The following IMMP1L variants were observed in gnomAD, a reference collection of about 807,000 sequenced individuals.
IMMP1L encodes inner mitochondrial membrane peptidase subunit 1, also known as mitochondrial inner membrane protease subunit 1.
In IMMP1L, 24 loss-of-function variants were observed where a neutral mutation model predicts 21.8. That is an observed-to-expected ratio of 1.10 (90% CI 0.80 to 1.55). The LOEUF is 1.55. Ranked by LOEUF, IMMP1L falls within the 40% of genes most tolerant of loss-of-function variation. The pLI, the probability that IMMP1L is intolerant of heterozygous loss-of-function variation, is 0.00. For missense variants in IMMP1L, 195 were observed against 200.7 expected (o/e 0.97, Z 0.17); for synonymous variants, 46 against 62.8 (o/e 0.73, Z 1.26).
At chr11:31,463,027 A>G (rs565896432) in intron 2 of IMMP1L, 145 bp downstream of exon 2, 1 of 625,430 alleles carries the variant, frequency 1.6e-6, no homozygotes, top group East Asian at 2.9e-5. Flanking sequence ...TATTATTCCA[A>G]TATTTAGAAA....
At chr11:31,508,446 C>T (rs918824191) in intron 1 of IMMP1L, among the ~76,000 whole-genome samples, 3 of 152,164 alleles carry the variant, frequency 2.0e-5, no homozygotes, top group African/African-American at 7.2e-5. Flanking sequence ...ATGAAAGCAA[C>T]CTTGATCAAA....
At chr11:31,439,505 C>G (rs1312123941) in intron 4 of IMMP1L, among the ~76,000 whole-genome samples, 2 of 152,120 alleles carry the variant, frequency 1.3e-5, no homozygotes, top group East Asian at 1.9e-4. Context: ...GAGTGCTTCT[C>G]TGCTAATTCC....
At chr11:31,501,233 A>G (rs1300454400) in intron 1 of IMMP1L, among the ~76,000 whole-genome samples, 1 of 152,212 alleles carries the variant, frequency 6.6e-6, no homozygotes, top group East Asian at 1.9e-4. Context: ...GCTACACTGA[A>G]AAAACATACC....
intron 1 of IMMP1L, among the ~76,000 whole-genome samples, chr11:31,488,783 A>C (rs568076773): frequency 6.6e-6 from 1 of 152,330 alleles, no homozygotes; most frequent in East Asian, 1.9e-4. Context: ...GCAAAGCAAT[A>C]CGTTTGACAC....
At chr11:31,455,081 A>G (rs1020745841) in intron 4 of IMMP1L, among the ~76,000 whole-genome samples, 15 of 152,222 alleles carry the variant, frequency 9.9e-5, no homozygotes, top group African/African-American at 3.6e-4. Context: ...TTAGCATTGT[A>G]GTAATAAATA....
At chr11:31,505,100 T>C (rs1470346269) in intron 1 of IMMP1L, among the ~76,000 whole-genome samples, 1 of 152,136 alleles carries the variant, frequency 6.6e-6, no homozygotes, top group Non-Finnish European at 1.5e-5. Flanking sequence ...ACAACAGTGA[T>C]ATGGACTCCA....
intron 1 of IMMP1L, among the ~76,000 whole-genome samples, chr11:31,482,477 G>T (rs2133757274): frequency 6.6e-6 from 1 of 152,022 alleles, no homozygotes; most frequent in East Asian, 1.9e-4. Context: ...CTCATATTTT[G>T]AATATATAAA....
intron 1 of IMMP1L, among the ~76,000 whole-genome samples, chr11:31,490,421 G>GC (rs1272346054): frequency 6.6e-6 from 1 of 150,742 alleles, no homozygotes; most frequent in Non-Finnish European, 1.5e-5. Flanking sequence ...GCAGTGAGCT[G>GC]AGATAGCATC....
intron 4 of IMMP1L, among the ~76,000 whole-genome samples, chr11:31,454,779 T>G (rs765257365): frequency 6.6e-6 from 1 of 152,158 alleles, no homozygotes; most frequent in Non-Finnish European, 1.5e-5. Context: ...CTCTAATAAC[T>G]CTTAAAAAGA....
chr11:31,452,830 A>G (rs113356829), intron 4 of IMMP1L: 58 of 775,082 alleles, frequency 7.5e-5, no homozygotes, highest in Admixed American at 5.2e-5. Context: ...GGCTCACTGC[A>G]ACCTCCACCT....
intron 4 of IMMP1L, among the ~76,000 whole-genome samples, chr11:31,447,776 A>G (rs988204008): frequency 6.6e-6 from 1 of 152,188 alleles, no homozygotes. Flanking sequence ...TAGCCATTTT[A>G]TAATATGCAT....
rs190752378 is a variant in IMMP1L, at chr11:31,459,348, T to A, written c.194+1278A>T. Among the ~76,000 whole-genome samples the A allele has an allele frequency of 7.2e-5, 11 of 152,288 alleles. No individual in the cohort carries two copies. In the East Asian group the frequency reaches 1.9e-3, roughly 27 times the overall value. ...TGAAAGAGAAGTGCCTAAACCTACTTAATATGCCATAAACTAAACACTAGC... is the reference window on the plus strand; with the variant it reads ...TGAAAGAGAAGTGCCTAAACCTACTAAATATGCCATAAACTAAACACTAGC... On this transcript the variant is annotated intron_variant, in intron 3 of 5. Coordinates refer to ENST00000532287, the MANE Select transcript of IMMP1L (RefSeq NM_001304274.2).
chr11:31,479,592 G>C (rs1291741881), intron 1 of IMMP1L, among the ~76,000 whole-genome samples: 3 of 151,990 alleles, frequency 2.0e-5, no homozygotes, highest in African/African-American at 7.2e-5. Flanking sequence ...CCACTTAAAA[G>C]ATGACTAGTC....
rs71463320 is a variant in IMMP1L at position 31,454,449 on chromosome 11, CAAAAAAAAAAAA to C, written c.321+1799_321+1810del. Among the ~76,000 whole-genome samples the C allele has an allele frequency of 1.8e-3, 56 of 30,402 alleles. No homozygotes were observed. The South Asian group carries it at 0.089, about 49-fold the overall frequency. The allele number at this position is 30,402 out of a possible 152,430, so 19.9% of individuals were successfully genotyped here. ...CTTGGGCAACAGAGCAAGACCATGT[CAAAAAAAAAAAA>C]AAAAAAAAAAAAAACTGAAAGAGAG... On this transcript the variant is annotated intron_variant, in intron 4 of 5. Coordinates refer to ENST00000532287, the MANE Select transcript of IMMP1L (RefSeq NM_001304274.2).
At chr11:31,483,706 T>A (rs1339440748) in intron 1 of IMMP1L, among the ~76,000 whole-genome samples, 1 of 151,970 alleles carries the variant, frequency 6.6e-6, no homozygotes, top group Admixed American at 6.6e-5. Context: ...CCGTTTTCAC[T>A]CTTCCTCCCA....
At position 31,469,485 on chromosome 11, in the gene IMMP1L, C is replaced by T. The variant is rs185162471; in HGVS notation, c.-29-6180G>A. 1.1e-4 allele frequency among the ~76,000 whole-genome samples: 16 copies of T among 152,094 alleles called. No homozygotes were observed. The East Asian group carries it at 1.2e-3, about 11-fold the overall frequency. On this transcript the variant is annotated intron_variant, in intron 1 of 5. Coordinates refer to ENST00000532287, the MANE Select transcript of IMMP1L (RefSeq NM_001304274.2). Reference sequence around the variant, plus strand: ...AAATTAATGCATTACATGAATATACCGGCAGATTCTGCCTACTAGGCTCAG... The same window carrying T: ...AAATTAATGCATTACATGAATATACTGGCAGATTCTGCCTACTAGGCTCAG...
chr11:31,500,788 T>C (rs1056409814), intron 1 of IMMP1L, among the ~76,000 whole-genome samples: 1 of 152,214 alleles, frequency 6.6e-6, no homozygotes, highest in Non-Finnish European at 1.5e-5. Flanking sequence ...AATAAAGTTT[T>C]ACTGGGACAA....
intron 1 of IMMP1L, among the ~76,000 whole-genome samples, chr11:31,495,702 A>T (rs1955408790): frequency 6.6e-6 from 1 of 152,250 alleles, no homozygotes; most frequent in South Asian, 2.1e-4. Context: ...AATAAAGAGC[A>T]CAGAAATAGC....
intron 4 of IMMP1L, chr11:31,433,789 T>C (rs898561348): frequency 2.6e-6 from 1 of 384,522 alleles, no homozygotes; most frequent in Non-Finnish European, 4.6e-6. Flanking sequence ...TCATCTTTTT[T>C]TGTCATATGG....
Sources: gnomAD v4.1 joint callset for allele counts (sites outside exome capture counted in the v4.1 genomes callset) on GRCh38, gnomAD v4.1.1 for gene constraint, MANE v1.5 for transcripts, NCBI Gene and HGNC (gene_info 2026-07-23, HGNC 2026-07-21) for gene names.